The following RABGAP1 variants were observed in gnomAD, a reference collection of about 807,000 sequenced individuals.
RABGAP1 encodes RAB GTPase activating protein 1, also known as rab GTPase-activating protein 1.
In RABGAP1, 23 loss-of-function variants were observed where a neutral mutation model predicts 137.6. That is an observed-to-expected ratio of 0.17 (90% CI 0.12 to 0.24). The LOEUF (loss-of-function observed/expected upper bound fraction) is 0.24, where lower values mean the gene tolerates loss of function less well. Ranked by LOEUF, RABGAP1 falls within the 10% of genes least tolerant of loss-of-function variation. The pLI, the probability that RABGAP1 is intolerant of heterozygous loss-of-function variation, is 1.00. For missense variants in RABGAP1, 906 were observed against 1,275.8 expected, an observed-to-expected ratio of 0.71 and a Z score of 4.42; for synonymous variants, 451 against 450.7, an observed-to-expected ratio of 1.00 and a Z score of -0.01.
At chr9:123,089,673 C>G in intron 19 of RABGAP1, 85 bp from the exon 20 acceptor site, 1 of 1,035,128 alleles carries the variant, frequency 9.7e-7, no homozygotes, top group Non-Finnish European at 1.4e-6. Context: ...GCCCAGGCCA[C>G]CAGAAGTCTT....
chr9:123,033,460 C>T (rs2032416894), intron 13 of RABGAP1: 1 of 152,214 alleles, frequency 6.6e-6, no homozygotes, highest in Non-Finnish European at 1.5e-5. Flanking sequence ...CAAGCCATTC[C>T]CACACTGTGC....
intron 22 of RABGAP1, among the ~76,000 whole-genome samples, chr9:123,098,401 T>C (rs1050644861): frequency 1.3e-5 from 2 of 152,240 alleles, no homozygotes; most frequent in Non-Finnish European, 2.9e-5. Context: ...AGTCCTCTTA[T>C]GAGCTCTTTG....
chr9:123,010,794 T>C (rs1343546820), intron 11 of RABGAP1, among the ~76,000 whole-genome samples: 2 of 152,172 alleles, frequency 1.3e-5, no homozygotes. Flanking sequence ...GCTTGGTATA[T>C]TAGCACATTT....
Position 123,103,190 on chromosome 9 carries a change from G to A in RABGAP1, c.3187G>A (p.Val1063Ile). ...GAGCTCCATAAAGACAGCAACCGGG[G>A]TTCAAGGGAAAGAGACTTGCTGAGA... is the stretch of plus-strand genomic sequence containing the variant. ...TLSSIKTATG[V>I]QGKETC is the part of the protein sequence containing the mutation. The change falls in exon 26 of 26, where the codon GTT becomes ATT. Residue 1063 changes from valine (V) to isoleucine (I), a missense_variant. Val to Ile is a conservative substitution (Grantham distance 29, BLOSUM62 3). Around this residue, in one of 9 missense-constraint regions of RABGAP1, gnomAD observed 193 missense variants for 248.1 expected, o/e 0.78. Coordinates refer to ENST00000373647, the MANE Select transcript of RABGAP1 (RefSeq NM_012197.4). 1.9e-6 allele frequency: 3 copies of A among 1,614,100 alleles called. No individual in the cohort carries two copies. The highest frequency in any genetic ancestry group is 1.7e-6 in the Non-Finnish European group (2 of 1,179,960).
At chr9:123,006,764 C>T (rs1309131268) in intron 10 of RABGAP1, among the ~76,000 whole-genome samples, 24 of 151,852 alleles carry the variant, frequency 1.6e-4, no homozygotes, top group Admixed American at 1.5e-3. Context: ...TGCACCACCA[C>T]GCCTGGCTAA....
At chr9:123,015,688 A>C in intron 12 of RABGAP1, 52 bp downstream of exon 12, 1 of 1,286,884 alleles carries the variant, frequency 7.8e-7, no homozygotes, top group East Asian at 2.4e-5. Context: ...TTTTATGGGT[A>C]GAGAATCTTA....
At chr9:123,100,976 CT>C (rs1411113964) in intron 24 of RABGAP1, among the ~76,000 whole-genome samples, 1 of 152,036 alleles carries the variant, frequency 6.6e-6, no homozygotes, top group Non-Finnish European at 1.5e-5. Context: ...TTATAATTGG[CT>C]TTTTGTGGTT....
rs202090815 is a variant in RABGAP1 at position 122,945,147 on chromosome 9, C to CTTTTTTTTT, written c.-50+4062_-50+4070dup. ...CACCATGTATACATCATAGCTGTTGCTTTTTTTTTTTTTTTTAGCATAAAC... is the reference window on the plus strand; with the variant it reads ...CACCATGTATACATCATAGCTGTTGCTTTTTTTTTTTTTTTTTTTTTTTTTAGCATAAAC... On this transcript the variant is annotated intron_variant, in intron 1 of 25. Transcript: ENST00000373647. 5.0e-4 allele frequency among the ~76,000 whole-genome samples: 38 copies of CTTTTTTTTT among 75,822 alleles called. 4 individuals carry two copies. Among genetic ancestry groups the CTTTTTTTTT allele is most frequent in the Admixed American group, 1.3e-3 (8 of 6,334 alleles). 49.7% of individuals were successfully genotyped at this position (75,822 alleles called of 152,430 possible).
At chr9:123,099,699 A>T (rs1332895169) in intron 24 of RABGAP1, 150 bp downstream of exon 24, 1 of 641,542 alleles carries the variant, frequency 1.6e-6, no homozygotes, top group African/African-American at 1.8e-5. Context: ...GTAGTTGACA[A>T]CTAACACTAC....
chr9:123,007,139 TC>T (rs2030353226), intron 10 of RABGAP1, among the ~76,000 whole-genome samples: 1 of 151,898 alleles, frequency 6.6e-6, no homozygotes, highest in South Asian at 2.1e-4. Flanking sequence ...AGTGGCATGA[TC>T]CTGGCTCACT....
intron 19 of RABGAP1, chr9:123,089,428 G>C (rs1435528607): frequency 9.1e-6 from 2 of 220,556 alleles, no homozygotes; most frequent in East Asian, 1.8e-4. Context: ...CAGCAGCACT[G>C]GTATATGCTA....
At chr9:123,029,092 G>C (rs1462650422) in intron 13 of RABGAP1, among the ~76,000 whole-genome samples, 2 of 152,134 alleles carry the variant, frequency 1.3e-5, no homozygotes, top group African/African-American at 2.4e-5. Flanking sequence ...ACTTGGATTG[G>C]GGTGTAGTGG....
chr9:122,956,138 C>T (rs1425985854), intron 1 of RABGAP1, among the ~76,000 whole-genome samples: 1 of 152,136 alleles, frequency 6.6e-6, no homozygotes, highest in African/African-American at 2.4e-5. Flanking sequence ...TCATATTGAG[C>T]TGAGTTCTAA....
intron 2 of RABGAP1, among the ~76,000 whole-genome samples, chr9:122,959,501 G>T (rs574780828): frequency 6.6e-6 from 1 of 152,236 alleles, no homozygotes; most frequent in East Asian, 1.9e-4. Context: ...AGCAGAACTG[G>T]TGACAATTAC....
intron 17 of RABGAP1, among the ~76,000 whole-genome samples, chr9:123,075,095 C>T (rs2034470975): frequency 6.6e-6 from 1 of 151,960 alleles, no homozygotes; most frequent in Admixed American, 6.6e-5. Flanking sequence ...TTAAGAAAAA[C>T]ATAATTATAA....
At chr9:122,984,254 A>G (rs561058143) in intron 2 of RABGAP1, among the ~76,000 whole-genome samples, 7 of 152,344 alleles carry the variant, frequency 4.6e-5, no homozygotes, top group African/African-American at 7.2e-5. Context: ...ATTTCTGGGT[A>G]TTAGTCTCAA....
intron 9 of RABGAP1, among the ~76,000 whole-genome samples, chr9:122,997,665 T>C (rs1837102954): frequency 6.6e-6 from 1 of 152,172 alleles, no homozygotes; most frequent in African/African-American, 2.4e-5. Context: ...TGCACATAAA[T>C]GGTTAAAAAT....
chr9:123,040,553 C>T (rs558915952), intron 13 of RABGAP1, among the ~76,000 whole-genome samples: 1 of 152,128 alleles, frequency 6.6e-6, no homozygotes. Context: ...GTCTTTTAGT[C>T]AGATTCTTTG....
rs1417581226 is a variant in RABGAP1, at chr9:123,038,363, A to G, written c.1794+17904A>G. Among the ~76,000 whole-genome samples, 3 of 151,988 alleles carry G rather than the reference A, an allele frequency of 2.0e-5. No individual in the cohort carries two copies. In the East Asian group the frequency reaches 5.8e-4, roughly 29 times the overall value. On this transcript the variant is annotated intron_variant, in intron 13 of 25. Transcript: ENST00000373647. ...TCTCAGTATTTTAAGGATTGGGAAA[A>G]CTTGAATTTTTTTTTACCGTAAATG...
Sources: allele counts gnomAD v4.1 joint callset (sites outside exome capture counted in the v4.1 genomes callset), GRCh38; gene constraint gnomAD v4.1.1; regional missense constraint gnomAD v4.1.1; transcripts MANE v1.5; gene names NCBI Gene and HGNC (gene_info 2026-07-23, HGNC 2026-07-21).